SGCZ: variants seen among roughly 807,000 people sequenced by gnomAD.
The protein encoded by SGCZ is zeta-sarcoglycan.
Under a neutral mutation model 41.3 loss-of-function variants are expected in SGCZ, and 40 were observed. The ratio of observed to expected loss-of-function variants is 0.97; its 90% confidence interval spans 0.75 to 1.26. The LOEUF (loss-of-function observed/expected upper bound fraction) is 1.26. SGCZ is among the 50% of genes most tolerant of loss of function. The pLI, the probability that SGCZ is intolerant of heterozygous loss-of-function variation, is 0.00. For missense variants in SGCZ, 552 were observed against 369.8 expected, an observed-to-expected ratio of 1.49 and a Z score of -4.04; for synonymous variants, 206 against 137.5, an observed-to-expected ratio of 1.50 and a Z score of -3.49.
intron 1 of SGCZ, among the ~76,000 whole-genome samples, chr8:14,636,077 A>G (rs1362689086): frequency 6.7e-6 from 1 of 148,960 alleles, no homozygotes; most frequent in Non-Finnish European, 1.5e-5. Context: ...GGCAATTGAA[A>G]TGGCATATAA....
chr8:14,998,380 A>G (rs570150666), intron 1 of SGCZ, among the ~76,000 whole-genome samples: 2 of 152,352 alleles, frequency 1.3e-5, no homozygotes, highest in Admixed American at 6.5e-5. Flanking sequence ...GCTTTCCAGT[A>G]AGCTGATGAT....
At chr8:14,387,356 G>A (rs1286332249) in intron 2 of SGCZ, among the ~76,000 whole-genome samples, 1 of 152,128 alleles carries the variant, frequency 6.6e-6, no homozygotes, top group Non-Finnish European at 1.5e-5. Flanking sequence ...CAAGTCACAT[G>A]TATGTTTCTG....
chr8:14,108,243 T>C lies in SGCZ; in HGVS notation c.548-8A>G, dbSNP rs779445394. The C allele has an allele frequency of 5.6e-6, 9 of 1,613,564 alleles. No homozygotes were observed. The African/African-American group carries it at 1.1e-4, about 19-fold the overall frequency. On this transcript the variant is annotated splice_polypyrimidine_tract_variant and splice_region_variant and intron_variant, in intron 5 of 7. Transcript: ENST00000382080. ...ATACGGCTCCTTCAGTGCCTGGGGG[T>C]AGCATGAATATAGCAGTCAGTATAA...
intron 1 of SGCZ, among the ~76,000 whole-genome samples, chr8:14,602,025 C>A (rs1190389749): frequency 1.3e-5 from 2 of 152,014 alleles, no homozygotes; most frequent in African/African-American, 4.8e-5. Flanking sequence ...GAGGCTGAGG[C>A]AGGAGAATGG....
intron 3 of SGCZ, among the ~76,000 whole-genome samples, chr8:14,283,548 G>A (rs1377476099): frequency 2.0e-5 from 3 of 152,116 alleles, no homozygotes; most frequent in Admixed American, 1.3e-4. Context: ...AGCCATTTGA[G>A]AGTACTTGGG....
At chr8:14,157,363 TGA>T (rs57563584) in intron 5 of SGCZ, among the ~76,000 whole-genome samples, 24,220 of 124,018 alleles carry the variant, frequency 0.2, 2,650 homozygotes, top group East Asian at 0.59. Flanking sequence ...TGTGTGTGTG[TGA>T]GTGTGTGTGT....
At chr8:14,504,485 G>A (rs1332109332) in intron 2 of SGCZ, among the ~76,000 whole-genome samples, 2 of 151,864 alleles carry the variant, frequency 1.3e-5, no homozygotes, top group African/African-American at 2.4e-5. Flanking sequence ...TCACTCTATT[G>A]GTTTCTTGAT....
intron 1 of SGCZ, among the ~76,000 whole-genome samples, chr8:14,702,817 A>G (rs62495170): frequency 0.13 from 382 of 2,938 alleles, 12 homozygotes; most frequent in South Asian, 0.26. Context: ...AGTTAGGTAG[A>G]TAGATAGATA....
intron 1 of SGCZ, among the ~76,000 whole-genome samples, chr8:14,888,145 A>G (rs1024357320): frequency 6.6e-6 from 1 of 152,192 alleles, no homozygotes; most frequent in African/African-American, 2.4e-5. Flanking sequence ...ACTGAGCATC[A>G]CATACTTTTT....
At chr8:14,130,483 A>C (rs1356576468) in intron 5 of SGCZ, among the ~76,000 whole-genome samples, 1 of 126,990 alleles carries the variant, frequency 7.9e-6, no homozygotes. Flanking sequence ...TTATTCCCAC[A>C]CACAAAAAAA....
chr8:15,014,640 C>G (rs1250662698), intron 1 of SGCZ, among the ~76,000 whole-genome samples: 2 of 152,158 alleles, frequency 1.3e-5, no homozygotes, highest in East Asian at 3.9e-4. Flanking sequence ...AGCATGGACA[C>G]TTTATCCAAA....
chr8:15,220,792 A>T (rs2117183444), intron 1 of SGCZ, among the ~76,000 whole-genome samples: 1 of 152,312 alleles, frequency 6.6e-6, no homozygotes, highest in African/African-American at 2.4e-5. Context: ...AACTGGATTA[A>T]GAAAATGTGG....
At chr8:14,522,588 G>A (rs1202455257) in intron 2 of SGCZ, among the ~76,000 whole-genome samples, 4 of 151,362 alleles carry the variant, frequency 2.6e-5, no homozygotes, top group African/African-American at 9.7e-5. Context: ...TCCTTATATT[G>A]GAAACTTGTG....
intron 1 of SGCZ, among the ~76,000 whole-genome samples, chr8:15,139,618 G>C (rs1264252372): frequency 6.6e-6 from 1 of 152,008 alleles, no homozygotes; most frequent in Non-Finnish European, 1.5e-5. Context: ...ACTTCTTTTT[G>C]TGTGACAAAA....
intron 1 of SGCZ, among the ~76,000 whole-genome samples, chr8:14,566,462 C>T (rs972286729): frequency 6.6e-6 from 1 of 152,080 alleles, no homozygotes; most frequent in East Asian, 1.9e-4. Flanking sequence ...TCTCCACTGG[C>T]GGATCTCAGT....
intron 1 of SGCZ, among the ~76,000 whole-genome samples, chr8:14,797,555 C>G (rs1801176094): frequency 6.6e-6 from 1 of 152,182 alleles, no homozygotes; most frequent in Admixed American, 6.5e-5. Context: ...AATTTACAGC[C>G]TGACAAGGCA....
At chr8:14,312,858 G>C (rs1412962713) in intron 3 of SGCZ, among the ~76,000 whole-genome samples, 2 of 152,098 alleles carry the variant, frequency 1.3e-5, no homozygotes, top group African/African-American at 4.8e-5. Flanking sequence ...AAACTACACA[G>C]CATGAATCTG....
rs1799700251 is a variant in SGCZ, at chr8:14,924,900, C to T, written c.39+312685G>A. Among the ~76,000 whole-genome samples, 3 of 146,696 alleles carry T rather than the reference C, an allele frequency of 2.0e-5. No homozygotes were observed. In the South Asian group the frequency reaches 6.4e-4, roughly 31 times the overall value. On this transcript the variant is annotated intron_variant, in intron 1 of 7. Coordinates refer to ENST00000382080, the MANE Select transcript of SGCZ (RefSeq NM_139167.4). ...TGAGACAGATTCTCACTGTGTCACC[C>T]AGGCTGGAGTGCAATGTCGCCATCT...
At position 14,916,309 on chromosome 8, in the gene SGCZ, C is replaced by A. The variant is rs115332728; in HGVS notation, c.39+321276G>T. On this transcript the variant is annotated intron_variant, in intron 1 of 7. Coordinates refer to ENST00000382080, the MANE Select transcript of SGCZ (RefSeq NM_139167.4). ...CTGTGAAGATTATATACATATAGCA[C>A]AGAAAACCCAAATCACATTTCTTAC... Among the ~76,000 whole-genome samples the A allele has an allele frequency of 1.9e-3, 285 of 152,250 alleles. 1 individual carries two copies. The highest frequency in any genetic ancestry group is 6.7e-3 in the African/African-American group (277 of 41,558).
Sources: allele counts gnomAD v4.1 joint callset (sites outside exome capture counted in the v4.1 genomes callset), GRCh38; gene constraint gnomAD v4.1.1; transcripts MANE v1.5; gene names NCBI Gene and HGNC (gene_info 2026-07-23, HGNC 2026-07-21).